The following ZDHHC2 variants were observed in gnomAD, a reference collection of about 807,000 sequenced individuals.
ZDHHC2 encodes the protein zDHHC palmitoyltransferase 2.
In ZDHHC2, 51 loss-of-function variants were observed where a neutral mutation model predicts 55.6. That is an observed-to-expected ratio of 0.92 (90% CI 0.73 to 1.16). The LOEUF is 1.16. Ranked by LOEUF, ZDHHC2 falls within the 50% of genes most tolerant of loss-of-function variation. ZDHHC2 has a pLI of 0.00. For missense variants in ZDHHC2, 491 were observed against 442.4 expected (o/e 1.11, Z -0.99); for synonymous variants, 199 against 152.9 (o/e 1.30, Z -2.22).
In ZDHHC2 at chr8:17,156,939, G is replaced by A. The variant is rs1804086366; in HGVS notation, c.130+86G>A. ...GACGCTCAGCCGCTCCTCCGCTCTC[G>A]CCCCCCGGATGCGCCCCGGGCGCTG... On this transcript the variant is annotated intron_variant, in intron 1 of 12. Coordinates refer to ENST00000262096, the MANE Select transcript of ZDHHC2 (RefSeq NM_016353.5). 4.7e-6 allele frequency: 6 copies of A among 1,289,088 alleles called. No homozygotes were observed. In the South Asian group the frequency reaches 4.9e-5, roughly 11 times the overall value. 79.9% of individuals were successfully genotyped at this position (1,289,088 alleles called of 1,614,324 possible).
intron 11 of ZDHHC2, among the ~76,000 whole-genome samples, chr8:17,216,705 C>T (rs193193235): frequency 7.1e-4 from 108 of 152,152 alleles, no homozygotes; most frequent in African/African-American, 2.4e-3. Context: ...TATAATTCTT[C>T]GGCATGTTCG....
intron 4 of ZDHHC2, 97 bp from the exon 5 acceptor site, chr8:17,197,485 T>G: frequency 9.5e-7 from 1 of 1,055,638 alleles, no homozygotes; most frequent in Middle Eastern, 2.1e-4. Context: ...TTTCATATGC[T>G]TTTTAAAATT....
chr8:17,167,167 T>TTGAG (rs1164981245), intron 1 of ZDHHC2, among the ~76,000 whole-genome samples: 13 of 152,154 alleles, frequency 8.5e-5, no homozygotes. Flanking sequence ...CTTGTTCAGT[T>TTGAG]TGAGCCCTCT....
chr8:17,202,734 T>TACACACAC (rs61412744), intron 6 of ZDHHC2, among the ~76,000 whole-genome samples: 13 of 149,730 alleles, frequency 8.7e-5, no homozygotes, highest in African/African-American at 2.5e-4. Flanking sequence ...TATATATATA[T>TACACACAC]ACACACACAC....
intron 9 of ZDHHC2, 65 bp downstream of exon 9, chr8:17,210,123 A>T: frequency 1.3e-6 from 2 of 1,513,068 alleles, no homozygotes; most frequent in Non-Finnish European, 1.8e-6. Context: ...AGATAGTTTC[A>T]GGAAAAGCCT....
At chr8:17,199,497 T>TTCTTCTTCTTCG (rs1806531855) in intron 6 of ZDHHC2, among the ~76,000 whole-genome samples, 1 of 52,630 alleles carries the variant, frequency 1.9e-5, no homozygotes, top group East Asian at 4.0e-4. Flanking sequence ...CTTCTTCTTC[T>TTCTTCTTCTTCG]TCTTCTTCTT....
rs115645269 is a variant in ZDHHC2 at position 17,202,828 on chromosome 8, A to C, written c.477-2827A>C. ...TTAAACTCTAAAATATATGGTCTTC[A>C]TTTACTGACCTCCTTTGTCCCTAGC... On this transcript the variant is annotated intron_variant, in intron 6 of 12. Coordinates refer to ENST00000262096, the MANE Select transcript of ZDHHC2 (RefSeq NM_016353.5). Among the ~76,000 whole-genome samples the C allele has an allele frequency of 2.6e-3, 393 of 152,038 alleles. 2 individuals are homozygous for C. Among genetic ancestry groups the C allele is most frequent in the African/African-American group, 9.0e-3 (373 of 41,488 alleles).
chr8:17,167,881 T>TCCTC (rs75251886), intron 1 of ZDHHC2, among the ~76,000 whole-genome samples: 1 of 151,858 alleles, frequency 6.6e-6, no homozygotes, highest in East Asian at 1.9e-4. Flanking sequence ...CAGGAAACAC[T>TCCTC]CCAACAGCAT....
intron 11 of ZDHHC2, among the ~76,000 whole-genome samples, chr8:17,216,156 G>T (rs1459141805): frequency 3.9e-5 from 6 of 152,194 alleles, no homozygotes; most frequent in Admixed American, 3.9e-4. Flanking sequence ...TCTTCAGATT[G>T]ACTACTAACC....
At chr8:17,199,540 G>A (rs1375518228) in intron 6 of ZDHHC2, among the ~76,000 whole-genome samples, 239 of 12,118 alleles carry the variant, frequency 0.02, 12 homozygotes, top group Non-Finnish European at 0.025. Flanking sequence ...TTCTGTCTTC[G>A]TCTTCTGTCT....
chr8:17,201,479 CTCTTTTTTTTTTTTTTTTT>C (rs1267594412), intron 6 of ZDHHC2, among the ~76,000 whole-genome samples: 3 of 88,194 alleles, frequency 3.4e-5, no homozygotes, highest in Non-Finnish European at 7.4e-5. Flanking sequence ...CTCTCTCTCT[CTCTTTTTTTTTTTTTTTTT>C]TTTTTTTTTT....
rs544206341 is a variant in ZDHHC2 at position 17,179,031 on chromosome 8, G to A, written c.131-5758G>A. Among the ~76,000 whole-genome samples, 86 of 152,228 alleles carry A rather than the reference G, an allele frequency of 5.6e-4. 1 individual carries two copies. The highest frequency in any genetic ancestry group is 1.9e-3 in the African/African-American group (80 of 41,540). On this transcript the variant is annotated intron_variant, in intron 1 of 12. Coordinates refer to ENST00000262096, the MANE Select transcript of ZDHHC2 (RefSeq NM_016353.5). ...AGTAGCAGGATCACAGCTCACTGCA[G>A]CCTCGACCTCCTGTGCTCAAGTGAT...
At chr8:17,199,000 C>A (rs991324359) in intron 6 of ZDHHC2, among the ~76,000 whole-genome samples, 1 of 152,064 alleles carries the variant, frequency 6.6e-6, no homozygotes, top group African/African-American at 2.4e-5. Context: ...CCTTCCTTTT[C>A]CTATAATTTT....
chr8:17,205,708 C>G lies in ZDHHC2; in HGVS notation c.530C>G (p.Ala177Gly). Residue 177 changes from alanine to glycine, a missense_variant, in exon 7 of 13, where the codon GCT becomes GGT. By Grantham distance (60) the Ala-to-Gly change is moderately conservative. Transcript: ENST00000262096. ...TATAAGTTCTTTCTCCTTTTCTTGGCTTATTCTCTGCTCTACTGCCTTTTT... is the reference window on the plus strand; with the variant it reads ...TATAAGTTCTTTCTCCTTTTCTTGGGTTATTCTCTGCTCTACTGCCTTTTT... The part of the protein sequence containing the change: ...SNYKFFLLFL[A>G]YSLLYCLFIA... 2 of 1,610,176 alleles carry G rather than the reference C, an allele frequency of 1.2e-6. No individual in the cohort carries two copies. Among genetic ancestry groups the G allele is most frequent in the Non-Finnish European group, 1.7e-6 (2 of 1,178,720 alleles).
At chr8:17,210,518 G>C in intron 10 of ZDHHC2, 38 bp downstream of exon 10, 2 of 1,521,818 alleles carry the variant, frequency 1.3e-6, no homozygotes, top group Non-Finnish European at 8.9e-7. Context: ...TTTCAAATAA[G>C]ATATTTTACC....
chr8:17,207,969 C>T lies in ZDHHC2; in HGVS notation c.607C>T (p.Pro203Ser). ...CTTCCTTTCTTTATAGAATGGCCTA[C>T]CTGATACTCAAGCCAAGTTCCATAT... ...YFIKFWTNGL[P>S]DTQAKFHIMF... Residue 203 changes from proline to serine, a missense_variant, in exon 8 of 13, where the codon CCT becomes TCT. Physicochemically the swap from Pro to Ser is moderately conservative, Grantham distance 74. Transcript: ENST00000262096. 6.4e-7 allele frequency: 1 copy of T among 1,567,186 alleles called. No homozygotes were observed. The highest frequency in any genetic ancestry group is 8.7e-7 in the Non-Finnish European group (1 of 1,155,548).
rs965337034 is a variant in ZDHHC2 at position 17,215,208 on chromosome 8, A to C, written c.951-29A>C. On this transcript the variant is annotated intron_variant, in intron 10 of 12. Transcript: ENST00000262096. ...TACTATCAAAAATTAGCTTATGATG[A>C]TTTTGATGATTATTCAATTATTATT... The C allele has an allele frequency of 7.8e-6, 12 of 1,530,620 alleles. No homozygotes were observed. In the Admixed American group the frequency reaches 2.3e-4, roughly 29 times the overall value. The allele number at this position is 1,530,620 out of a possible 1,614,324, so 94.8% of individuals were successfully genotyped here. A position where few individuals can be genotyped will look rare whatever the true frequency, so the allele number is the denominator to read the frequency against.
chr8:17,156,948 A>C, intron 1 of ZDHHC2, 95 bp downstream of exon 1: 3 of 1,226,888 alleles, frequency 2.4e-6, no homozygotes, highest in Non-Finnish European at 3.2e-6. Flanking sequence ...CGCCCCCCGG[A>C]TGCGCCCCGG....
chr8:17,170,730 C>G (rs1030137103), intron 1 of ZDHHC2, among the ~76,000 whole-genome samples: 2 of 151,972 alleles, frequency 1.3e-5, no homozygotes, highest in African/African-American at 4.8e-5. Context: ...TCTGAGTATA[C>G]CAGATAATAA....
Sources: allele counts gnomAD v4.1 joint callset (sites outside exome capture counted in the v4.1 genomes callset), GRCh38; gene constraint gnomAD v4.1.1; transcripts MANE v1.5; gene names NCBI Gene and HGNC (gene_info 2026-07-23, HGNC 2026-07-21).